C5: variants seen among roughly 807,000 people sequenced by gnomAD.
The protein encoded by C5 is C3 and PZP-like alpha-2-macroglobulin domain-containing protein 4.
In C5, 140 loss-of-function variants were observed where a neutral mutation model predicts 218.8. That is an observed-to-expected ratio of 0.64 (90% CI 0.56 to 0.74). The LOEUF (loss-of-function observed/expected upper bound fraction) is 0.74. Ranked by LOEUF, C5 falls within the 30% of genes least tolerant of loss-of-function variation. C5 has a pLI of 0.00. For synonymous variants in C5, 614 were observed against 682.3 expected, an observed-to-expected ratio of 0.90 and a Z score of 1.56; for missense variants, 1,700 against 1,969.6, an observed-to-expected ratio of 0.86 and a Z score of 2.59.
At chr9:121,007,908 A>G (rs1467557813) in intron 18 of C5, among the ~76,000 whole-genome samples, 1 of 152,220 alleles carries the variant, frequency 6.6e-6, no homozygotes, top group East Asian at 1.9e-4. Flanking sequence ...CTTTGAACTC[A>G]TTCCTTGCCT....
chr9:121,053,493 G>C (rs1294544700), upstream of C5, among the ~76,000 whole-genome samples: 1 of 151,978 alleles, frequency 6.6e-6, no homozygotes, highest in African/African-American at 2.4e-5. Flanking sequence ...AACCCCCCCC[G>C]AGATAGTTCT....
chr9:121,043,166 T>G lies in C5; in HGVS notation c.259A>C (p.Ile87Leu). The G allele has an allele frequency of 6.2e-7, 1 of 1,611,068 alleles. No homozygotes were observed. Among genetic ancestry groups the G allele is most frequent in the Non-Finnish European group, 8.5e-7 (1 of 1,177,962 alleles). ...NKFQNSAILT[I>L]QPKQLPGGQN... ...CCTCCAGGCAATTGTTTTGGTTGTA[T>G]CTGGAAAAGAAATTGTTGATGGAAA... Residue 87 changes from isoleucine (I) to leucine (L), a missense_variant and splice_region_variant, in exon 3 of 41, where the codon ATA becomes CTA. Coordinates refer to ENST00000223642, the MANE Select transcript of C5 (RefSeq NM_001735.3).
At chr9:120,962,065 G>T (rs2046831514) in intron 36 of C5, among the ~76,000 whole-genome samples, 1 of 152,186 alleles carries the variant, frequency 6.6e-6, no homozygotes, top group Non-Finnish European at 1.5e-5. Flanking sequence ...GGAGTCATCT[G>T]TCTTGTGATC....
chr9:121,058,631 G>A, the C5 span, among the ~76,000 whole-genome samples: 1 of 151,534 alleles, frequency 6.6e-6, no homozygotes, highest in Non-Finnish European at 1.5e-5. Context: ...TAGAGATGGG[G>A]TTTCACCATA....
In C5 at chr9:121,018,479, C is replaced by T. The variant is rs574918946; in HGVS notation, c.1507-627G>A. The stretch of plus-strand genomic sequence containing the variant: ...ATCCCAGCTACTCGGAAGGCTGAGG[C>T]AGGAGAATTGCTTGAACTTGGGAGG... On this transcript the variant is annotated intron_variant, in intron 12 of 40. Transcript: ENST00000223642. Among the ~76,000 whole-genome samples, 246 of 151,050 alleles carry T rather than the reference C, an allele frequency of 1.6e-3. 6 individuals are homozygous for T. Among genetic ancestry groups the T allele is most frequent in the Middle Eastern group, 3.4e-3 (1 of 292 alleles).
At chr9:121,011,192 C>A (rs575893022) in intron 17 of C5, among the ~76,000 whole-genome samples, 26 of 152,118 alleles carry the variant, frequency 1.7e-4, no homozygotes, top group Non-Finnish European at 1.3e-4. Flanking sequence ...AGCAGACAAC[C>A]TACAGAATGG....
In C5 at chr9:121,005,961, T is replaced by C. The variant is rs759663121; in HGVS notation, c.2520A>G (p.Gln840=). The change falls in exon 20 of 41, where the codon CAA becomes CAG. Residue 840 remains glutamine (Q), a synonymous_variant. Coordinates refer to ENST00000223642, the MANE Select transcript of C5 (RefSeq NM_001735.3). ...PYSVVRGEQI[Q]LKGTVYNYRT... is the part of the protein sequence containing the mutation. Reference sequence around the variant, plus strand: ...TATAGTTGTAAACAGTTCCTTTCAATTGGATCTGTTCTCCTCGTACAACAG... The same window carrying C: ...TATAGTTGTAAACAGTTCCTTTCAACTGGATCTGTTCTCCTCGTACAACAG... The C allele has an allele frequency of 8.7e-6, 14 of 1,613,250 alleles. No homozygotes were observed. The highest frequency in any genetic ancestry group is 1.6e-4 in the Middle Eastern group (1 of 6,078).
At chr9:120,961,337 G>A (rs1052284653) in intron 37 of C5, 145 bp downstream of exon 37, 1 of 682,858 alleles carries the variant, frequency 1.5e-6, no homozygotes, top group African/African-American at 1.8e-5. Context: ...AATGCTCAAG[G>A]AATCATTAGC....
chr9:121,048,602 A>G (rs1047162460), intron 1 of C5, among the ~76,000 whole-genome samples: 5 of 152,238 alleles, frequency 3.3e-5, no homozygotes, highest in African/African-American at 1.2e-4. Flanking sequence ...ATGTGATGGT[A>G]GCCGTCAAGC....
intron 2 of C5, among the ~76,000 whole-genome samples, chr9:121,044,458 A>T (rs10985137): frequency 6.6e-6 from 1 of 152,018 alleles, no homozygotes; most frequent in African/African-American, 2.4e-5. Context: ...CCTGGGTGAC[A>T]GAGCGAGACC....
chr9:121,035,665 G>T (rs2047518164), intron 4 of C5, among the ~76,000 whole-genome samples: 1 of 151,898 alleles, frequency 6.6e-6, no homozygotes, highest in Non-Finnish European at 1.5e-5. Context: ...GAACTCACAG[G>T]CTCAAGCAAT....
the C5 span, among the ~76,000 whole-genome samples, chr9:121,068,473 T>C: frequency 6.6e-6 from 1 of 152,024 alleles, no homozygotes. Flanking sequence ...TGGAAGAAAT[T>C]GAAGAGGGTA....
At chr9:121,003,846 G>A (rs2131735408) in intron 20 of C5, among the ~76,000 whole-genome samples, 1 of 152,280 alleles carries the variant, frequency 6.6e-6, no homozygotes, top group Non-Finnish European at 1.5e-5. Context: ...CCAATTGAGA[G>A]AAAAATTTCA....
At chr9:121,019,682 T>C (rs2047346263) in intron 12 of C5, among the ~76,000 whole-genome samples, 1 of 152,204 alleles carries the variant, frequency 6.6e-6, no homozygotes, top group African/African-American at 2.4e-5. Context: ...TAAAAAGTGT[T>C]ATTAGAACAG....
At position 121,007,045 on chromosome 9, in the gene C5, C is replaced by T. The variant is rs543358457; in HGVS notation, c.2349-68G>A. The T allele has an allele frequency of 4.1e-6, 5 of 1,228,248 alleles. No individual in the cohort carries two copies. In the African/African-American group the frequency reaches 4.4e-5, roughly 11 times the overall value. 76.1% of individuals were successfully genotyped at this position (1,228,248 alleles called of 1,614,324 possible). A position where few individuals can be genotyped will look rare whatever the true frequency, so the allele number is the denominator to read the frequency against. ...ATTAACCCAACTTAACAGAGACATCCATTAACAGAATTTTTGCTTCAAACT... is the reference window on the plus strand; with the variant it reads ...ATTAACCCAACTTAACAGAGACATCTATTAACAGAATTTTTGCTTCAAACT... On this transcript the variant is annotated intron_variant, in intron 18 of 40. Transcript: ENST00000223642.
chr9:121,024,977 G>A (rs1281845823), intron 9 of C5, among the ~76,000 whole-genome samples: 1 of 152,144 alleles, frequency 6.6e-6, no homozygotes, highest in Non-Finnish European at 1.5e-5. Flanking sequence ...TTAAAATAAT[G>A]TTGAAAACTT....
At chr9:121,003,891 C>T (rs550741802) in intron 20 of C5, among the ~76,000 whole-genome samples, 2 of 151,618 alleles carry the variant, frequency 1.3e-5, no homozygotes, top group South Asian at 4.2e-4. Flanking sequence ...TTTTTTGAGA[C>T]GGAGTGTCGC....
At chr9:121,039,031 T>A (rs2047554449) in intron 3 of C5, among the ~76,000 whole-genome samples, 1 of 152,120 alleles carries the variant, frequency 6.6e-6, no homozygotes, top group Non-Finnish European at 1.5e-5. Context: ...AACACTTTGG[T>A]TTCACTCCTG....
chr9:120,957,395 C>A, intron 38 of C5, 27 bp from the exon 39 acceptor site: 1 of 1,550,518 alleles, frequency 6.4e-7, no homozygotes, highest in Non-Finnish European at 8.9e-7. Context: ...AACAATGAAA[C>A]AATTCAGTCT....
Sources: allele counts gnomAD v4.1 joint callset (sites outside exome capture counted in the v4.1 genomes callset), GRCh38; gene constraint gnomAD v4.1.1; transcripts MANE v1.5; gene names NCBI Gene and HGNC (gene_info 2026-07-23, HGNC 2026-07-21).